RASEF: variants seen among roughly 807,000 people sequenced by gnomAD.
The protein encoded by RASEF is ras and EF-hand domain-containing protein.
In RASEF, 68 loss-of-function variants were observed where a neutral mutation model predicts 90.1. The ratio of observed to expected loss-of-function variants is 0.75; its 90% CI spans 0.62 to 0.92. RASEF has a LOEUF of 0.92. Among genes scored for constraint, RASEF ranks in the 40% least tolerant of loss-of-function variants. The pLI, the probability that RASEF is intolerant of heterozygous loss-of-function variation, is 0.00. For synonymous variants in RASEF, 331 were observed against 345.2 expected, an observed-to-expected ratio of 0.96 and a Z score of 0.46; for missense variants, 949 against 937.2, an observed-to-expected ratio of 1.01 and a Z score of -0.16.
the RASEF span, among the ~76,000 whole-genome samples, chr9:83,203,777 C>T: frequency 1.3e-5 from 2 of 152,028 alleles, no homozygotes; most frequent in African/African-American, 4.8e-5. Context: ...GGAGGAACAG[C>T]AAATGCAAAG....
chr9:83,093,802 A>G, the RASEF span, among the ~76,000 whole-genome samples: 1 of 152,208 alleles, frequency 6.6e-6, no homozygotes. Flanking sequence ...CCAAAGTGGG[A>G]GCCCAGGCAG....
the RASEF span, among the ~76,000 whole-genome samples, chr9:83,104,897 C>G: frequency 2.0e-3 from 301 of 152,236 alleles, no homozygotes; most frequent in Middle Eastern, 6.8e-3. Flanking sequence ...TGCCCAATAC[C>G]AGGGCCAGTG....
At chr9:83,140,561 G>A in the RASEF span, among the ~76,000 whole-genome samples, 1 of 152,100 alleles carries the variant, frequency 6.6e-6, no homozygotes, top group East Asian at 1.9e-4. Context: ...GTACCTTAGT[G>A]GACAGTGAGA....
At chr9:83,049,365 C>A in intron 1 of RASEF, 4 of 983,740 alleles carry the variant, frequency 4.1e-6, no homozygotes, top group Non-Finnish European at 4.8e-6. Flanking sequence ...AATGTCCGTG[C>A]GGGACTGGCT....
intron 1 of RASEF, among the ~76,000 whole-genome samples, chr9:83,034,652 A>T (rs904514450): frequency 1.3e-5 from 2 of 152,208 alleles, no homozygotes; most frequent in African/African-American, 4.8e-5. Context: ...AAACAGCAGG[A>T]AGCATCATGC....
intron 6 of RASEF, among the ~76,000 whole-genome samples, chr9:83,008,891 CATATATATATATATATATATATATAT>C (rs56810511): frequency 1.4e-3 from 27 of 19,560 alleles, no homozygotes; most frequent in Admixed American, 0.013. Context: ...AAGTTCTCAT[CATATATATATATATATATATATATAT>C]ATATATATAT....
rs555842009 is a variant in RASEF, at chr9:83,058,172, C to CTTTTTTTTTTT, written c.431+4254_431+4264dup. ...CGGCTCACTCCTGATGTATTTATGT[C>CTTTTTTTTTTT]TTTTTTTTTTTTTTTTTTTTTTTTT... On this transcript the variant is annotated intron_variant, in intron 1 of 16. Transcript: ENST00000376447. 8.6e-5 allele frequency among the ~76,000 whole-genome samples: 5 copies of CTTTTTTTTTTT among 57,888 alleles called. 2 individuals carry two copies. The highest frequency in any genetic ancestry group is 9.8e-5 in the Non-Finnish European group (3 of 30,458). 38.0% of individuals were successfully genotyped at this position (57,888 alleles called of 152,430 possible).
At chr9:83,060,533 T>C (rs541231417) in intron 1 of RASEF, among the ~76,000 whole-genome samples, 3 of 152,320 alleles carry the variant, frequency 2.0e-5, no homozygotes, top group African/African-American at 7.2e-5. Flanking sequence ...GTATTTGGCA[T>C]ATGGCAGGCA....
At chr9:82,984,504 G>A (rs1157341072) in intron 16 of RASEF, among the ~76,000 whole-genome samples, 1 of 152,154 alleles carries the variant, frequency 6.6e-6, no homozygotes, top group Non-Finnish European at 1.5e-5. Context: ...GCTGGTAAAT[G>A]CAATATACAT....
intron 4 of RASEF, among the ~76,000 whole-genome samples, chr9:83,015,228 T>C (rs1267095870): frequency 6.6e-6 from 1 of 152,248 alleles, no homozygotes; most frequent in Non-Finnish European, 1.5e-5. Flanking sequence ...GCATGCAGTC[T>C]ACCAGACACA....
intron 1 of RASEF, among the ~76,000 whole-genome samples, chr9:83,044,027 T>C (rs1407095102): frequency 6.6e-6 from 1 of 152,192 alleles, no homozygotes; most frequent in African/African-American, 2.4e-5. Context: ...GGAATACTTC[T>C]GGCTTCCCTG....
chr9:83,073,337 C>A, the RASEF span, among the ~76,000 whole-genome samples: 3 of 152,162 alleles, frequency 2.0e-5, no homozygotes, highest in African/African-American at 7.2e-5. Flanking sequence ...TCTCCATAAT[C>A]TTCAGCAATG....
Position 83,007,369 on chromosome 9 carries a change from T to C in RASEF, c.1028+68A>G. On this transcript the variant is annotated intron_variant, in intron 7 of 16. Transcript: ENST00000376447. ...AACATGGCAACTCACGTTCTATGTG[T>C]TATGTCTTTTATTAACTAAAAAACA... is the stretch of plus-strand genomic sequence containing the variant. The C allele has an allele frequency of 2.4e-6, 3 of 1,240,102 alleles. No homozygotes were observed. The South Asian group carries it at 3.6e-5, about 15-fold the overall frequency. 76.8% of individuals were successfully genotyped at this position (1,240,102 alleles called of 1,614,324 possible).
chr9:83,149,954 GC>G, the RASEF span, among the ~76,000 whole-genome samples: 10 of 152,220 alleles, frequency 6.6e-5, no homozygotes, highest in East Asian at 1.7e-3. Context: ...AGGTTTAAGG[GC>G]TATCCCACAA....
At chr9:83,134,156 C>T in the RASEF span, among the ~76,000 whole-genome samples, 13 of 152,212 alleles carry the variant, frequency 8.5e-5, no homozygotes, top group African/African-American at 3.1e-4. Flanking sequence ...TTCCCACTTA[C>T]ATCCAGACTT....
chr9:83,167,400 A>G, the RASEF span, among the ~76,000 whole-genome samples: 12 of 150,856 alleles, frequency 8.0e-5, no homozygotes, highest in East Asian at 2.1e-3. Flanking sequence ...AGCAATAGCA[A>G]TCTCTACAGG....
chr9:83,086,108 T>C, the RASEF span, among the ~76,000 whole-genome samples: 1 of 152,146 alleles, frequency 6.6e-6, no homozygotes. Flanking sequence ...CTTTAAGCAA[T>C]CAATTAAGAA....
chr9:83,048,566 AAATGAATGAATG>A (rs34939702), intron 1 of RASEF: 6 of 981,194 alleles, frequency 6.1e-6, no homozygotes, highest in Non-Finnish European at 7.3e-6. Flanking sequence ...ATGAATGAGT[AAATGAATGAATG>A]AATGAATGAA....
chr9:83,134,414 A>G, the RASEF span, among the ~76,000 whole-genome samples: 116 of 130,504 alleles, frequency 8.9e-4, 1 homozygote, highest in East Asian at 0.016. Flanking sequence ...AATAGCGCAC[A>G]CACACACACA....
Sources: allele counts gnomAD v4.1 joint callset (sites outside exome capture counted in the v4.1 genomes callset), GRCh38; gene constraint gnomAD v4.1.1; transcripts MANE v1.5; gene names NCBI Gene and HGNC (gene_info 2026-07-23, HGNC 2026-07-21).